RFX1: variants seen among roughly 807,000 people sequenced by gnomAD.
RFX1 encodes the protein MHC class II regulatory factor RFX1.
A neutral mutation model predicts 119.6 loss-of-function variants in RFX1; 42 were observed. The ratio of observed to expected loss-of-function variants is 0.35; its 90% CI spans 0.27 to 0.45. The LOEUF (loss-of-function observed/expected upper bound fraction) is 0.45, where lower values mean the gene tolerates loss of function less well. Ranked by LOEUF, RFX1 falls within the 20% of genes least tolerant of loss-of-function variation. The probability of loss-of-function intolerance (pLI) is 1.00; values close to 1 mark genes in which losing one functional copy is unlikely to be tolerated. For synonymous variants in RFX1, 628 were observed against 618.5 expected (o/e 1.02, Z -0.23); for missense variants, 1,118 against 1,368.1 (o/e 0.82, Z 2.88).
chr19:13,998,597 A>G lies in RFX1; in HGVS notation c.-52-4702T>C, dbSNP rs1008211891. 2.6e-5 allele frequency among the ~76,000 whole-genome samples: 4 copies of G among 152,172 alleles called. No homozygotes were observed. In the South Asian group the frequency reaches 6.2e-4, roughly 24 times the overall value. The stretch of plus-strand genomic sequence containing the variant: ...AAATATCCAAGCCAGGTTGGGACAG[A>G]GGAGGAAGGAGACAGGATCTTCAAG... On this transcript the variant is annotated intron_variant, in intron 1 of 20. Coordinates refer to ENST00000254325, the MANE Select transcript of RFX1 (RefSeq NM_002918.5).
At chr19:13,997,935 C>T (rs1315428023) in intron 1 of RFX1, among the ~76,000 whole-genome samples, 2 of 152,088 alleles carry the variant, frequency 1.3e-5, no homozygotes, top group African/African-American at 4.8e-5. Context: ...CCAGCCCCTG[C>T]CCTCCCCAAA....
chr19:13,997,393 T>C (rs995825582), intron 1 of RFX1, among the ~76,000 whole-genome samples: 1 of 152,178 alleles, frequency 6.6e-6, no homozygotes, highest in Non-Finnish European at 1.5e-5. Context: ...ATCTGTGAAA[T>C]GGGAGGACGG....
At chr19:13,992,311 G>T (rs556624656) in intron 2 of RFX1, among the ~76,000 whole-genome samples, 1 of 152,278 alleles carries the variant, frequency 6.6e-6, no homozygotes, top group African/African-American at 2.4e-5. Flanking sequence ...TAATGCCCAG[G>T]CTGTGCTGCC....
rs1321905176 is a variant in RFX1 at position 14,006,197 on chromosome 19, C to T, written c.-147G>A. On this transcript the variant is annotated 5_prime_UTR_variant, in exon 1 of 21. Coordinates refer to ENST00000254325, the MANE Select transcript of RFX1 (RefSeq NM_002918.5). ...ACGGGACGTGCTGGGGTCCCCGGGC[C>T]GGGCCTGGGGGGTGGGGGTGGGGGT... is the stretch of plus-strand genomic sequence containing the variant. 2.0e-5 allele frequency: 3 copies of T among 152,080 alleles called. No homozygotes were observed. The highest frequency in any genetic ancestry group is 1.3e-4 in the Admixed American group (2 of 15,276). The allele number at this position is 152,080 out of a possible 1,614,324, so 9.4% of individuals were successfully genotyped here. A position where few individuals can be genotyped will look rare whatever the true frequency, so the allele number is the denominator to read the frequency against.
intron 18 of RFX1, 24 bp from the exon 19 acceptor site, chr19:13,963,299 A>G (rs954008509): frequency 1.0e-5 from 16 of 1,596,956 alleles, no homozygotes; most frequent in South Asian, 2.2e-5. Flanking sequence ...CGGAGAGGAG[A>G]CCGTCAGGCC....
chr19:13,966,033 G>C lies in RFX1; in HGVS notation c.1962-256C>G, dbSNP rs1215503016. On this transcript the variant is annotated intron_variant, in intron 14 of 20. Transcript: ENST00000254325. This position sits in a 1 kb window ranked among gnomAD's most constrained non-coding sequence, Gnocchi z 6.3. ...CCAGGGTCACTGGGGGCACTCTGTG[G>C]CCCTGCCCCCAGCGTCAGAAGGGCA... is the stretch of plus-strand genomic sequence containing the variant. 1.3e-5 allele frequency among the ~76,000 whole-genome samples: 2 copies of C among 152,048 alleles called. No homozygotes were observed. Among genetic ancestry groups the C allele is most frequent in the Admixed American group, 1.3e-4 (2 of 15,274 alleles).
intron 1 of RFX1, among the ~76,000 whole-genome samples, chr19:13,999,304 T>C (rs905939565): frequency 6.6e-6 from 1 of 152,222 alleles, no homozygotes; most frequent in African/African-American, 2.4e-5. Context: ...TGGCTGCACC[T>C]ACCTTCAAAG....
chr19:13,982,304 C>G, intron 4 of RFX1, 76 bp from the exon 5 acceptor site: 2 of 789,956 alleles, frequency 2.5e-6, no homozygotes, highest in South Asian at 6.0e-5. Flanking sequence ...CTGCGCAGTG[C>G]CAGGTGACAT....
rs1458606712 is a variant in RFX1 at position 13,985,471 on chromosome 19, C to T, written c.320-1876G>A. 6.6e-6 allele frequency among the ~76,000 whole-genome samples: 1 copy of T among 152,234 alleles called. No individual in the cohort carries two copies. The highest frequency in any genetic ancestry group is 1.5e-5 in the Non-Finnish European group (1 of 68,048). On this transcript the variant is annotated intron_variant, in intron 2 of 20. Transcript: ENST00000254325. This position sits in a 1 kb window ranked among gnomAD's most constrained non-coding sequence, Gnocchi z 4.3. ...GGATTACAGGCATGAGCCACTGCAC[C>T]TGGCTGACAGTAAGAGCTTTTATTA...
Position 13,961,694 on chromosome 19 carries a change from C to T in RFX1, c.*1001G>A, listed in dbSNP as rs892407339. The T allele has an allele frequency of 9.8e-5, 15 of 152,384 alleles. No individual in the cohort carries two copies. The highest frequency in any genetic ancestry group is 3.1e-4 in the African/African-American group (13 of 41,388). The allele number at this position is 152,384 out of a possible 1,614,324, so 9.4% of individuals were successfully genotyped here. A position where few individuals can be genotyped will look rare whatever the true frequency, so the allele number is the denominator to read the frequency against. ...GGGCCGCCCCAAAAGCTATAGCACG[C>T]GGAGCACACAAAATAGTGATTTTTA... On this transcript the variant is annotated 3_prime_UTR_variant, in exon 21 of 21. Transcript: ENST00000254325.
At position 13,962,547 on chromosome 19, in the gene RFX1, A is replaced by G; in HGVS notation, c.*148T>C. 1 of 643,140 alleles carries G rather than the reference A, an allele frequency of 1.6e-6. No homozygotes were observed. The highest frequency in any genetic ancestry group is 2.5e-6 in the Non-Finnish European group (1 of 394,080). 39.8% of individuals were successfully genotyped at this position (643,140 alleles called of 1,614,324 possible). ...AGCCCACTGATTGTGCCGGCCCCAT[A>G]AGGGAGGAGGGCCCCGGTCTTCCCT... On this transcript the variant is annotated 3_prime_UTR_variant, in exon 21 of 21. Transcript: ENST00000254325.
rs577509722 is a variant in RFX1 at position 13,965,373 on chromosome 19, T to A, written c.2211+76A>T. 1.5e-6 allele frequency: 2 copies of A among 1,354,846 alleles called. No individual in the cohort carries two copies. The highest frequency in any genetic ancestry group is 2.3e-5 in the East Asian group (1 of 43,336). The allele number at this position is 1,354,846 out of a possible 1,614,324, so 83.9% of individuals were successfully genotyped here. Reference sequence around the variant, plus strand: ...CTGGAACAGGCGTGGGGACAAATTTTACCGCCCCTGGGGAGCAGAGGAGAC... The same window carrying A: ...CTGGAACAGGCGTGGGGACAAATTTAACCGCCCCTGGGGAGCAGAGGAGAC... On this transcript the variant is annotated intron_variant, in intron 16 of 20. Coordinates refer to ENST00000254325, the MANE Select transcript of RFX1 (RefSeq NM_002918.5). This position sits in a 1 kb window ranked among gnomAD's most constrained non-coding sequence, Gnocchi z 4.7.
At chr19:13,979,584 T>C (rs746306575) in intron 6 of RFX1, 42 bp from the exon 7 acceptor site, 3 of 1,465,032 alleles carry the variant, frequency 2.0e-6, no homozygotes, top group Non-Finnish European at 1.9e-6. Flanking sequence ...ATGGCAACGA[T>C]GGCCGTCAAC....
intron 2 of RFX1, among the ~76,000 whole-genome samples, chr19:13,989,436 T>C (rs1293970022): frequency 6.6e-6 from 1 of 151,966 alleles, no homozygotes; most frequent in Admixed American, 6.6e-5. Flanking sequence ...AATGGTGCAG[T>C]CTTGGCTCAC....
chr19:13,989,913 A>G (rs938114192), intron 2 of RFX1, among the ~76,000 whole-genome samples: 1 of 152,096 alleles, frequency 6.6e-6, no homozygotes, highest in Admixed American at 6.6e-5. Context: ...GTCTTACTCA[A>G]GGAGGAGTAG....
rs1339625571 is a variant in RFX1 at position 13,969,160 on chromosome 19, C to T, written c.1497-266G>A. Among the ~76,000 whole-genome samples the T allele has an allele frequency of 6.6e-6, 1 of 152,118 alleles. No homozygotes were observed. Among genetic ancestry groups the T allele is most frequent in the Non-Finnish European group, 1.5e-5 (1 of 68,022 alleles). On this transcript the variant is annotated intron_variant, in intron 10 of 20. Transcript: ENST00000254325. This position sits in a 1 kb window ranked among gnomAD's most constrained non-coding sequence, Gnocchi z 4.5. ...TGACGCTGAAGCTGGGAATGGGAAC[C>T]GAGACGTGAGCGGAGGTGAGCCATG...
chr19:13,969,857 C>T lies in RFX1; in HGVS notation c.1496+137G>A, dbSNP rs1157908386. ...TGCAAAGGCCTAGAGTGGGAGTGAGCGGGGCTGTCGAGGAGCCTCGCAGAG... is the reference window on the plus strand; with the variant it reads ...TGCAAAGGCCTAGAGTGGGAGTGAGTGGGGCTGTCGAGGAGCCTCGCAGAG... On this transcript the variant is annotated intron_variant, in intron 10 of 20. Transcript: ENST00000254325. This position sits in a 1 kb window ranked among gnomAD's most constrained non-coding sequence, Gnocchi z 4.5. The T allele has an allele frequency of 1.3e-5, 10 of 783,554 alleles. No individual in the cohort carries two copies. Among genetic ancestry groups the T allele is most frequent in the South Asian group, 5.6e-5 (3 of 53,386 alleles). 48.5% of individuals were successfully genotyped at this position (783,554 alleles called of 1,614,324 possible). A position where few individuals can be genotyped will look rare whatever the true frequency, so the allele number is the denominator to read the frequency against.
At position 13,980,730 on chromosome 19, in the gene RFX1, T is replaced by TCGCA. The variant is rs761692757; in HGVS notation, c.622-42_622-41insTGCG. On this transcript the variant is annotated intron_variant, in intron 5 of 20. Coordinates refer to ENST00000254325, the MANE Select transcript of RFX1 (RefSeq NM_002918.5). The surrounding 1 kb of genome is among the most constrained non-coding windows in gnomAD (Gnocchi z 5.1). ...ACACAGGAGTGCCGCTGGGGTGGGC[T>TCGCA]TGCATCCTCTCTGAGGTGGGCTCAC... 23 of 1,471,508 alleles carry TCGCA rather than the reference T, an allele frequency of 1.6e-5. No homozygotes were observed. The highest frequency in any genetic ancestry group is 1.7e-4 in the Middle Eastern group (1 of 5,810). 91.2% of individuals were successfully genotyped at this position (1,471,508 alleles called of 1,614,324 possible). A position where few individuals can be genotyped will look rare whatever the true frequency, so the allele number is the denominator to read the frequency against.
intron 8 of RFX1, among the ~76,000 whole-genome samples, chr19:13,976,207 G>A (rs933528860): frequency 2.6e-5 from 4 of 152,238 alleles, no homozygotes; most frequent in Non-Finnish European, 5.9e-5. Context: ...CCTGGACCAG[G>A]CCCACTGGGG....
Sources: allele counts gnomAD v4.1 joint callset (sites outside exome capture counted in the v4.1 genomes callset), GRCh38; gene constraint gnomAD v4.1.1; non-coding constraint Gnocchi (gnomAD v3.1); transcripts MANE v1.5; gene names NCBI Gene and HGNC (gene_info 2026-07-23, HGNC 2026-07-21).